PLCB1: variants seen among roughly 807,000 people sequenced by gnomAD.
PLCB1 encodes the protein phospholipase C beta 1, also known as 1-phosphatidylinositol 4,5-bisphosphate phosphodiesterase beta-1.
Under a neutral mutation model 161.8 loss-of-function variants are expected in PLCB1, and 46 were observed. The observed-to-expected ratio is 0.28, with a 90% CI of 0.22 to 0.36. The LOEUF (loss-of-function observed/expected upper bound fraction) is 0.36. Ranked by LOEUF, PLCB1 falls within the 10% of genes least tolerant of loss-of-function variation. The pLI, the probability that PLCB1 is intolerant of heterozygous loss-of-function variation, is 1.00. For missense variants in PLCB1, 1,016 were observed against 1,472.5 expected, an observed-to-expected ratio of 0.69 and a Z score of 5.07; for synonymous variants, 517 against 503.7, an observed-to-expected ratio of 1.03 and a Z score of -0.35.
chr20:8,506,978 A>G (rs1983661277), intron 3 of PLCB1, among the ~76,000 whole-genome samples: 1 of 152,176 alleles, frequency 6.6e-6, no homozygotes, highest in African/African-American at 2.4e-5. Flanking sequence ...TTGACTCCCT[A>G]AAAACTTAAT....
At chr20:8,623,670 A>G (rs2123204679) in intron 3 of PLCB1, among the ~76,000 whole-genome samples, 1 of 152,354 alleles carries the variant, frequency 6.6e-6, no homozygotes, top group South Asian at 2.1e-4. Flanking sequence ...AAAAATATTT[A>G]AAGATTTTCC....
chr20:8,242,418 G>A (rs1980664796), intron 2 of PLCB1, among the ~76,000 whole-genome samples: 1 of 151,940 alleles, frequency 6.6e-6, no homozygotes, highest in Admixed American at 6.6e-5. Flanking sequence ...GCAATGATTA[G>A]TATTTGAACC....
At chr20:8,870,391 C>G (rs1267132333) in intron 31 of PLCB1, among the ~76,000 whole-genome samples, 4 of 152,176 alleles carry the variant, frequency 2.6e-5, no homozygotes, top group African/African-American at 9.6e-5. Flanking sequence ...ACAGTAATCT[C>G]TAGACACCTG....
intron 31 of PLCB1, among the ~76,000 whole-genome samples, chr20:8,813,570 C>T (rs935628178): frequency 2.6e-5 from 4 of 152,140 alleles, no homozygotes; most frequent in Non-Finnish European, 5.9e-5. Context: ...TGGCTCACAC[C>T]TATAATCCCA....
chr20:8,254,914 T>C (rs1981332304), intron 2 of PLCB1, among the ~76,000 whole-genome samples: 1 of 152,018 alleles, frequency 6.6e-6, no homozygotes, highest in Non-Finnish European at 1.5e-5. Flanking sequence ...ATTAACCCAA[T>C]GGAGGTTTGA....
chr20:8,785,838 A>T (rs1983457239), intron 27 of PLCB1, among the ~76,000 whole-genome samples: 1 of 152,192 alleles, frequency 6.6e-6, no homozygotes, highest in African/African-American at 2.4e-5. Flanking sequence ...AATCAAGAAA[A>T]TATTCTGAAG....
chr20:8,163,856 T>C (rs2051650075), intron 2 of PLCB1, among the ~76,000 whole-genome samples: 1 of 152,154 alleles, frequency 6.6e-6, no homozygotes, highest in Non-Finnish European at 1.5e-5. Flanking sequence ...GCCTCTATGG[T>C]AACATCCTAT....
At chr20:8,829,722 G>A (rs1454963841) in intron 31 of PLCB1, among the ~76,000 whole-genome samples, 7 of 152,170 alleles carry the variant, frequency 4.6e-5, no homozygotes, top group African/African-American at 1.7e-4. Context: ...TAATATGAAA[G>A]AGTAGAGAGG....
intron 2 of PLCB1, among the ~76,000 whole-genome samples, chr20:8,241,878 G>T (rs533776296): frequency 6.6e-6 from 1 of 151,946 alleles, no homozygotes; most frequent in Non-Finnish European, 1.5e-5. Flanking sequence ...GAAGGAGGAG[G>T]GTTCCACATT....
At chr20:8,269,912 G>A (rs1982191618) in intron 2 of PLCB1, among the ~76,000 whole-genome samples, 1 of 151,222 alleles carries the variant, frequency 6.6e-6, no homozygotes, top group African/African-American at 2.4e-5. Context: ...AAAAAAGCCT[G>A]GCTAACCTTA....
In PLCB1 at chr20:8,591,607, T is replaced by C. The variant is rs193271341; in HGVS notation, c.247-36687T>C. On this transcript the variant is annotated intron_variant, in intron 3 of 31. Coordinates refer to ENST00000338037, the MANE Select transcript of PLCB1 (RefSeq NM_015192.4). ...GGAGCAAAGGTGTCAGTAAACTGTA[T>C]TCACACCCAGGGCACTTAAGAGACG... is the stretch of plus-strand genomic sequence containing the variant. Among the ~76,000 whole-genome samples the C allele has an allele frequency of 2.0e-5, 3 of 152,296 alleles. No homozygotes were observed. In the East Asian group the frequency reaches 5.8e-4, roughly 29 times the overall value.
At chr20:8,434,741 T>C (rs1463484957) in intron 3 of PLCB1, among the ~76,000 whole-genome samples, 1 of 152,216 alleles carries the variant, frequency 6.6e-6, no homozygotes, top group African/African-American at 2.4e-5. Context: ...AGGTCTCCTC[T>C]AGAGCTCATG....
chr20:8,489,819 T>G lies in PLCB1; in HGVS notation c.246+118369T>G, dbSNP rs546531611. 4.6e-5 allele frequency among the ~76,000 whole-genome samples: 7 copies of G among 152,244 alleles called. No homozygotes were observed. The South Asian group carries it at 1.2e-3, about 27-fold the overall frequency. On this transcript the variant is annotated intron_variant, in intron 3 of 31. Transcript: ENST00000338037. ...TAACTTGATCATATTCACTCTGGAG[T>G]CTTCTACATCTGAATCTAAAGGGGA...
chr20:8,365,566 T>G (rs1568647854), intron 2 of PLCB1, among the ~76,000 whole-genome samples: 1 of 152,180 alleles, frequency 6.6e-6, no homozygotes, highest in South Asian at 2.1e-4. Context: ...TGGAATAAAG[T>G]TAAGGAACAA....
Position 8,842,209 on chromosome 20 carries a change from A to G in PLCB1, c.3424-39413A>G, listed in dbSNP as rs145285202. Among the ~76,000 whole-genome samples the G allele has an allele frequency of 2.2e-3, 329 of 152,326 alleles. 1 individual carries two copies. The highest frequency in any genetic ancestry group is 7.5e-3 in the African/African-American group (310 of 41,584). On this transcript the variant is annotated intron_variant, in intron 31 of 31. Coordinates refer to ENST00000338037, the MANE Select transcript of PLCB1 (RefSeq NM_015192.4). ...GCCCAGGGATAAGCAAACAATCAGT[A>G]AAAAATGCTTACATAGAAAGCGCAT...
chr20:8,618,662 A>G (rs1988095768), intron 3 of PLCB1, among the ~76,000 whole-genome samples: 1 of 152,208 alleles, frequency 6.6e-6, no homozygotes, highest in Non-Finnish European at 1.5e-5. Flanking sequence ...GTCTTCATGT[A>G]TAATGTGTTT....
chr20:8,137,809 G>T (rs1036666326), intron 1 of PLCB1, among the ~76,000 whole-genome samples: 8 of 152,062 alleles, frequency 5.3e-5, no homozygotes, highest in African/African-American at 1.7e-4. Context: ...TTATAGTTTG[G>T]TTTTGCTTGT....
intron 2 of PLCB1, among the ~76,000 whole-genome samples, chr20:8,157,099 T>C (rs1402825114): frequency 1.3e-5 from 2 of 152,244 alleles, no homozygotes; most frequent in Non-Finnish European, 2.9e-5. Flanking sequence ...TGTTTATTTA[T>C]GTATTTCATA....
chr20:8,716,875 C>T (rs2076685), intron 13 of PLCB1, among the ~76,000 whole-genome samples: 45,696 of 152,016 alleles, frequency 0.3, 8,160 homozygotes, highest in African/African-American at 0.5. Flanking sequence ...TTTTCCTTCC[C>T]GCACCCTTTT....
Sources: gnomAD v4.1 joint callset for allele counts (sites outside exome capture counted in the v4.1 genomes callset) on GRCh38, gnomAD v4.1.1 for gene constraint, MANE v1.5 for transcripts, NCBI Gene and HGNC (gene_info 2026-07-23, HGNC 2026-07-21) for gene names.